Variants in KIAA1217 observed in about 807,000 individuals in gnomAD.
KIAA1217 encodes the protein KIAA1217.
Under a neutral mutation model 163.9 loss-of-function variants are expected in KIAA1217, and 88 were observed. The observed-to-expected ratio is 0.54, with a 90% CI of 0.45 to 0.64. The LOEUF (loss-of-function observed/expected upper bound fraction) is 0.64, where lower values mean the gene tolerates loss of function less well. KIAA1217 is among the 30% of genes least tolerant of loss of function. The pLI is 0.00. For missense variants in KIAA1217, 2,372 were observed against 2,475.0 expected, an observed-to-expected ratio of 0.96 and a Z score of 0.88; for synonymous variants, 903 against 923.1, an observed-to-expected ratio of 0.98 and a Z score of 0.39.
intron 2 of KIAA1217, among the ~76,000 whole-genome samples, chr10:24,362,728 C>T (rs563975184): frequency 2.6e-5 from 4 of 152,240 alleles, no homozygotes; most frequent in South Asian, 2.1e-4. Flanking sequence ...GGGCCGGGCG[C>T]GGTGGCTCAC....
chr10:24,287,384 A>T (rs1391567570), intron 2 of KIAA1217, among the ~76,000 whole-genome samples: 1 of 152,202 alleles, frequency 6.6e-6, no homozygotes, highest in Non-Finnish European at 1.5e-5. Flanking sequence ...TGCCTAGGTC[A>T]GTGAGAGCCT....
chr10:24,220,662 C>A (rs1269854574), intron 2 of KIAA1217, among the ~76,000 whole-genome samples: 1 of 151,154 alleles, frequency 6.6e-6, no homozygotes, highest in African/African-American at 2.4e-5. Flanking sequence ...CATCGTGTTA[C>A]CCAGGATGGT....
intron 1 of KIAA1217, among the ~76,000 whole-genome samples, chr10:24,001,296 C>T (rs1016151078): frequency 3.3e-5 from 5 of 152,116 alleles, no homozygotes; most frequent in Non-Finnish European, 7.3e-5. Context: ...AGCAGCCATT[C>T]GGTGAGTTCT....
chr10:24,348,700 T>A (rs1011969746), intron 2 of KIAA1217, among the ~76,000 whole-genome samples: 7 of 152,162 alleles, frequency 4.6e-5, no homozygotes, highest in Non-Finnish European at 1.0e-4. Context: ...TTACAGATAA[T>A]GGATCTCAAG....
chr10:23,933,416 C>T (rs1843339423), intron 1 of KIAA1217, among the ~76,000 whole-genome samples: 1 of 152,200 alleles, frequency 6.6e-6, no homozygotes, highest in South Asian at 2.1e-4. Flanking sequence ...AGGGCTCCTA[C>T]CTCTCCAAGC....
In KIAA1217 at chr10:23,795,566, G is replaced by T. The variant is rs142915267; in HGVS notation, c.-321+100332G>T. Among the ~76,000 whole-genome samples the T allele has an allele frequency of 5.1e-4, 77 of 152,292 alleles. No individual in the cohort carries two copies. In the Middle Eastern group the frequency reaches 0.014, roughly 27 times the overall value. On this transcript the variant is annotated intron_variant, in intron 1 of 18. Transcript: ENST00000376462. ...CAAAATCATAAATCATTATATGGTG[G>T]TTATAAAGTGGTTCGGTCCAAAAGG... is the stretch of plus-strand genomic sequence containing the variant.
At chr10:23,742,706 C>A (rs1341739313) in intron 1 of KIAA1217, among the ~76,000 whole-genome samples, 1 of 152,176 alleles carries the variant, frequency 6.6e-6, no homozygotes, top group African/African-American at 2.4e-5. Flanking sequence ...AAAAACACCT[C>A]CCACCAAGCC....
At chr10:24,124,031 A>G (rs1301475418) in intron 2 of KIAA1217, among the ~76,000 whole-genome samples, 1 of 152,200 alleles carries the variant, frequency 6.6e-6, no homozygotes, top group Admixed American at 6.5e-5. Context: ...ATCTTTTATC[A>G]TATAGAAGTT....
At chr10:24,126,853 C>A (rs2063488656) in intron 2 of KIAA1217, among the ~76,000 whole-genome samples, 1 of 151,928 alleles carries the variant, frequency 6.6e-6, no homozygotes, top group South Asian at 2.1e-4. Context: ...TAAACCTAAG[C>A]TTCTAGGTCA....
At chr10:24,208,838 G>T, upstream of KIAA1217, 1 of 229,986 alleles carries the variant, frequency 4.3e-6, no homozygotes, top group South Asian at 6.8e-5. Flanking sequence ...CCCAGTTGTG[G>T]GTAGGAGAGG....
At chr10:24,499,647 G>A (rs758722570) in intron 8 of KIAA1217, among the ~76,000 whole-genome samples, 7 of 152,274 alleles carry the variant, frequency 4.6e-5, no homozygotes, top group East Asian at 1.9e-4. Flanking sequence ...CAGGAAAATC[G>A]CTTGCACCCA....
At chr10:23,796,673 T>C (rs1042266583) in intron 1 of KIAA1217, among the ~76,000 whole-genome samples, 3 of 152,054 alleles carry the variant, frequency 2.0e-5, no homozygotes, top group Non-Finnish European at 1.5e-5. Context: ...GCTTTGTTTG[T>C]CTCTTATGTT....
intron 2 of KIAA1217, among the ~76,000 whole-genome samples, chr10:24,360,049 T>A (rs1342557394): frequency 1.4e-5 from 2 of 141,196 alleles, no homozygotes; most frequent in South Asian, 4.8e-4. Context: ...ACTTTTTTTT[T>A]TTTTTTTTTT....
chr10:23,970,132 G>A (rs970408495), intron 1 of KIAA1217, among the ~76,000 whole-genome samples: 2 of 152,294 alleles, frequency 1.3e-5, no homozygotes, highest in African/African-American at 2.4e-5. Flanking sequence ...TGGGGACACA[G>A]CCAAACCATA....
At chr10:23,856,749 C>A (rs1190095967) in intron 1 of KIAA1217, among the ~76,000 whole-genome samples, 1 of 152,246 alleles carries the variant, frequency 6.6e-6, no homozygotes, top group African/African-American at 2.4e-5. Flanking sequence ...TGCTGCCTTG[C>A]AGTTTGATCT....
chr10:24,014,475 C>A (rs1055014218), intron 2 of KIAA1217, among the ~76,000 whole-genome samples: 2 of 152,010 alleles, frequency 1.3e-5, no homozygotes, highest in Non-Finnish European at 2.9e-5. Flanking sequence ...TTGTTGGAAA[C>A]AAAAGACTGA....
At chr10:24,502,004 C>T (rs1282804470) in intron 9 of KIAA1217, among the ~76,000 whole-genome samples, 1 of 152,024 alleles carries the variant, frequency 6.6e-6, no homozygotes, top group Non-Finnish European at 1.5e-5. Context: ...CTGCCTCGGC[C>T]TCCCAAAGTG....
intron 1 of KIAA1217, among the ~76,000 whole-genome samples, chr10:24,218,225 C>T (rs770799300): frequency 1.9e-4 from 29 of 151,978 alleles, no homozygotes; most frequent in Non-Finnish European, 4.0e-4. Flanking sequence ...ATATTCATAC[C>T]TGACACCCCA....
upstream of KIAA1217, among the ~76,000 whole-genome samples, chr10:24,206,212 A>C (rs1384668151): frequency 6.6e-6 from 1 of 152,226 alleles, no homozygotes. Context: ...ATCAGATTTC[A>C]AGTTCTTCCC....
Sources: allele counts gnomAD v4.1 joint callset (sites outside exome capture counted in the v4.1 genomes callset), GRCh38; gene constraint gnomAD v4.1.1; transcripts MANE v1.5; gene names NCBI Gene and HGNC (gene_info 2026-07-23, HGNC 2026-07-21).